The following TNNI3K variants were observed in gnomAD, a reference collection of about 807,000 sequenced individuals.
TNNI3K encodes the protein TNNI3 interacting kinase, also known as serine/threonine-protein kinase TNNI3K.
Under a neutral mutation model 114.5 loss-of-function variants are expected in TNNI3K, and 140 were observed. The observed-to-expected ratio is 1.22, with a 90% CI of 1.07 to 1.41. The LOEUF is 1.41. Ranked by LOEUF, TNNI3K falls within the 40% of genes most tolerant of loss-of-function variation. TNNI3K has a pLI of 0.00. For synonymous variants in TNNI3K, 347 were observed against 347.5 expected (o/e 1.00, Z 0.02); for missense variants, 1,125 against 1,007.6 (o/e 1.12, Z -1.58).
chr1:74,364,978 A>C (rs1038881264), intron 11 of TNNI3K, among the ~76,000 whole-genome samples: 1 of 152,148 alleles, frequency 6.6e-6, no homozygotes, highest in Non-Finnish European at 1.5e-5. Flanking sequence ...TATGTTTGTC[A>C]TAACTAGCAA....
intron 1 of TNNI3K, 112 bp from the exon 2 acceptor site, chr1:74,235,986 TTAAG>T: frequency 1.6e-6 from 1 of 615,334 alleles, no homozygotes; most frequent in Non-Finnish European, 2.7e-6. Context: ...GTAATTTAAA[TTAAG>T]TATTGTAGAA....
intron 23 of TNNI3K, among the ~76,000 whole-genome samples, chr1:74,526,994 A>C (rs1646511937): frequency 6.6e-6 from 1 of 152,234 alleles, no homozygotes. Flanking sequence ...CAAAGCCTAA[A>C]ATATTTACTG....
intron 17 of TNNI3K, among the ~76,000 whole-genome samples, chr1:74,388,616 G>C (rs1037982144): frequency 1.3e-5 from 2 of 152,092 alleles, no homozygotes; most frequent in Non-Finnish European, 2.9e-5. Context: ...TAATTTGTGG[G>C]TTGAAAATTG....
chr1:74,323,126 T>C (rs1401327127), intron 5 of TNNI3K, among the ~76,000 whole-genome samples: 2 of 152,176 alleles, frequency 1.3e-5, no homozygotes, highest in East Asian at 1.9e-4. Flanking sequence ...TATATAATCA[T>C]GGTCCTTTTT....
At chr1:74,387,529 C>T (rs755028816) in intron 17 of TNNI3K, among the ~76,000 whole-genome samples, 1 of 152,210 alleles carries the variant, frequency 6.6e-6, no homozygotes, top group African/African-American at 2.4e-5. Flanking sequence ...GTCTCAAAAG[C>T]TGGGCTTGGC....
At chr1:74,319,653 G>T (rs1659502943) in intron 5 of TNNI3K, among the ~76,000 whole-genome samples, 1 of 152,152 alleles carries the variant, frequency 6.6e-6, no homozygotes, top group Admixed American at 6.5e-5. Context: ...TGGTAGCAAT[G>T]CTATTCTCCA....
chr1:74,396,743 G>T (rs1284805486), intron 17 of TNNI3K, among the ~76,000 whole-genome samples: 2 of 152,146 alleles, frequency 1.3e-5, no homozygotes, highest in African/African-American at 4.8e-5. Context: ...TCCACTCCTA[G>T]GGCACAGAAT....
intron 6 of TNNI3K, among the ~76,000 whole-genome samples, chr1:74,335,194 A>G (rs1660402908): frequency 6.6e-6 from 1 of 152,306 alleles, no homozygotes; most frequent in Non-Finnish European, 1.5e-5. Context: ...TCTTAATATT[A>G]TTCCCATTGC....
intron 17 of TNNI3K, among the ~76,000 whole-genome samples, chr1:74,406,415 C>T (rs1369547464): frequency 1.3e-5 from 2 of 152,114 alleles, no homozygotes; most frequent in African/African-American, 4.8e-5. Flanking sequence ...CCCAGGGAAG[C>T]CAAAAAATTG....
intron 9 of TNNI3K, among the ~76,000 whole-genome samples, chr1:74,351,622 G>A (rs1414148118): frequency 1.3e-5 from 2 of 151,992 alleles, no homozygotes; most frequent in African/African-American, 2.4e-5. Flanking sequence ...CGTAGATTTG[G>A]TCTTTTCACA....
chr1:74,481,731 C>CAA (rs1178586179), intron 21 of TNNI3K, among the ~76,000 whole-genome samples: 2 of 152,166 alleles, frequency 1.3e-5, no homozygotes, highest in Admixed American at 6.5e-5. Context: ...CATTAGAAAT[C>CAA]AAAGCATTTT....
intron 20 of TNNI3K, among the ~76,000 whole-genome samples, chr1:74,445,284 T>G (rs527725099): frequency 3.4e-5 from 5 of 148,762 alleles, no homozygotes; most frequent in African/African-American, 1.2e-4. Flanking sequence ...GTTAGTTACA[T>G]ATGTATACAT....
chr1:74,529,170 T>C (rs1281623156), intron 23 of TNNI3K, among the ~76,000 whole-genome samples: 1 of 152,206 alleles, frequency 6.6e-6, no homozygotes, highest in East Asian at 1.9e-4. Flanking sequence ...AAAATACTTA[T>C]TAATTACAAA....
At chr1:74,538,187 T>C (rs375715175) in intron 23 of TNNI3K, among the ~76,000 whole-genome samples, 3 of 152,258 alleles carry the variant, frequency 2.0e-5, no homozygotes, top group Admixed American at 1.3e-4. Flanking sequence ...TTCAGTTTTT[T>C]AGTCTGGCTT....
At chr1:74,288,627 A>G (rs1657474374) in intron 5 of TNNI3K, among the ~76,000 whole-genome samples, 1 of 152,030 alleles carries the variant, frequency 6.6e-6, no homozygotes, top group Non-Finnish European at 1.5e-5. Flanking sequence ...GTGAAGAAAC[A>G]GGGATGCGTT....
chr1:74,264,160 T>C (rs1655833793), intron 4 of TNNI3K, among the ~76,000 whole-genome samples: 1 of 151,618 alleles, frequency 6.6e-6, no homozygotes, highest in Admixed American at 6.6e-5. Context: ...ACTTCTCTTT[T>C]TTTCTTTTTT....
At chr1:74,282,927 A>G (rs1313943490) in intron 5 of TNNI3K, among the ~76,000 whole-genome samples, 1 of 152,194 alleles carries the variant, frequency 6.6e-6, no homozygotes, top group Non-Finnish European at 1.5e-5. Flanking sequence ...CAAGGGCCAA[A>G]TATGCCAGCC....
chr1:74,515,410 A>G (rs1440375898), intron 23 of TNNI3K, among the ~76,000 whole-genome samples: 2 of 152,220 alleles, frequency 1.3e-5, no homozygotes, highest in African/African-American at 4.8e-5. Flanking sequence ...GTCAGAAAAT[A>G]AATATATGGT....
chr1:74,448,189 A>G (rs1666791719), intron 20 of TNNI3K, among the ~76,000 whole-genome samples: 1 of 114,346 alleles, frequency 8.7e-6, no homozygotes, highest in Admixed American at 8.8e-5. Context: ...GCAGCGCACC[A>G]GCATGGCACA....
Sources: gnomAD v4.1 joint callset for allele counts (sites outside exome capture counted in the v4.1 genomes callset) on GRCh38, gnomAD v4.1.1 for gene constraint, MANE v1.5 for transcripts, NCBI Gene and HGNC (gene_info 2026-07-23, HGNC 2026-07-21) for gene names.